Variants in GRM5 observed in about 807,000 individuals in gnomAD.
GRM5 encodes metabotropic glutamate receptor 5.
A neutral mutation model predicts 83.1 loss-of-function variants in GRM5; 19 were observed. The observed-to-expected ratio is 0.23, with a 90% CI of 0.16 to 0.34. GRM5 has a LOEUF of 0.34. Ranked by LOEUF, GRM5 falls within the 10% of genes least tolerant of loss-of-function variation. The pLI, the probability that GRM5 is intolerant of heterozygous loss-of-function variation, is 1.00. For synonymous variants in GRM5, 675 were observed against 633.6 expected, an observed-to-expected ratio of 1.07 and a Z score of -0.98; for missense variants, 1,160 against 1,588.3, an observed-to-expected ratio of 0.73 and a Z score of 4.58.
In GRM5 at chr11:88,817,290, G is replaced by T. The variant is rs568550808; in HGVS notation, c.911+32616C>A. On this transcript the variant is annotated intron_variant, in intron 3 of 9. Transcript: ENST00000305447. ...TTTACACGTAAACAGTACATAAAAT[G>T]CTCTTTTGATTTAGGAAATTCTAAT... 2.6e-5 allele frequency among the ~76,000 whole-genome samples: 4 copies of T among 152,058 alleles called. No individual in the cohort carries two copies. In the East Asian group the frequency reaches 7.7e-4, roughly 29 times the overall value.
At chr11:88,960,923 C>G (rs1938763948) in intron 2 of GRM5, among the ~76,000 whole-genome samples, 1 of 152,072 alleles carries the variant, frequency 6.6e-6, no homozygotes, top group African/African-American at 2.4e-5. Flanking sequence ...CGGTTTTTAA[C>G]AGATATTAGC....
Position 88,833,431 on chromosome 11 carries a change from A to G in GRM5, c.911+16475T>C, listed in dbSNP as rs1476046450. ...GGAAATGTAAGTCAAAACCACAGTG[A>G]GGTATCATCACCCCAGTTAGAATGG... On this transcript the variant is annotated intron_variant, in intron 3 of 9. Transcript: ENST00000305447. Among the ~76,000 whole-genome samples, 6 of 152,160 alleles carry G rather than the reference A, an allele frequency of 3.9e-5. No homozygotes were observed. The East Asian group carries it at 1.2e-3, about 29-fold the overall frequency.
At chr11:88,810,794 G>C (rs1400778966) in intron 3 of GRM5, among the ~76,000 whole-genome samples, 1 of 152,092 alleles carries the variant, frequency 6.6e-6, no homozygotes, top group African/African-American at 2.4e-5. Context: ...ATAAAAAAGA[G>C]TTTTGTTTAA....
intron 2 of GRM5, among the ~76,000 whole-genome samples, chr11:88,902,334 A>C (rs1207235838): frequency 6.6e-6 from 1 of 152,094 alleles, no homozygotes; most frequent in Non-Finnish European, 1.5e-5. Flanking sequence ...CCCCAGACTC[A>C]CATTCTATCT....
intron 2 of GRM5, among the ~76,000 whole-genome samples, chr11:89,020,125 T>A (rs1361160071): frequency 6.6e-6 from 1 of 152,214 alleles, no homozygotes; most frequent in Non-Finnish European, 1.5e-5. Context: ...ATACCTTATC[T>A]AATTTAATTT....
chr11:88,957,584 CA>C (rs1226897304), intron 2 of GRM5, among the ~76,000 whole-genome samples: 1 of 152,094 alleles, frequency 6.6e-6, no homozygotes, highest in African/African-American at 2.4e-5. Context: ...TATAAAATCA[CA>C]GAAGAAAGTA....
chr11:88,952,334 A>G (rs905859642), intron 2 of GRM5, among the ~76,000 whole-genome samples: 3 of 152,088 alleles, frequency 2.0e-5, no homozygotes, highest in African/African-American at 7.2e-5. Flanking sequence ...TGAACTTCCA[A>G]CTGTTACTCA....
chr11:88,628,491 A>C (rs942380817), intron 4 of GRM5, among the ~76,000 whole-genome samples: 3 of 152,236 alleles, frequency 2.0e-5, no homozygotes, highest in Admixed American at 6.5e-5. Context: ...TCTGATAGTC[A>C]TGAACCCTTG....
At chr11:88,581,679 G>A (rs1445870998) in intron 7 of GRM5, among the ~76,000 whole-genome samples, 1 of 151,068 alleles carries the variant, frequency 6.6e-6, no homozygotes, top group African/African-American at 2.4e-5. Context: ...GAATTCTATT[G>A]TTAAACAAAA....
At chr11:89,014,097 C>T (rs1940784750) in intron 2 of GRM5, among the ~76,000 whole-genome samples, 1 of 152,116 alleles carries the variant, frequency 6.6e-6, no homozygotes, top group African/African-American at 2.4e-5. Flanking sequence ...ATCATATGCA[C>T]ACATACATAT....
intron 2 of GRM5, among the ~76,000 whole-genome samples, chr11:88,962,936 A>C (rs1173584588): frequency 2.0e-5 from 3 of 152,192 alleles, no homozygotes; most frequent in Non-Finnish European, 4.4e-5. Context: ...TAAAAATACA[A>C]AAATTAGCCA....
chr11:88,935,316 T>C (rs997694494), intron 2 of GRM5, among the ~76,000 whole-genome samples: 1 of 151,122 alleles, frequency 6.6e-6, no homozygotes, highest in Non-Finnish European at 1.5e-5. Context: ...TGAAGAAAGA[T>C]CACATAGATG....
chr11:88,886,915 A>C (rs1425999958), intron 2 of GRM5, among the ~76,000 whole-genome samples: 1 of 152,160 alleles, frequency 6.6e-6, no homozygotes, highest in South Asian at 2.1e-4. Flanking sequence ...CGAGGAACAG[A>C]GGGTCACCCT....
At chr11:88,945,553 C>A (rs1304104266) in intron 2 of GRM5, among the ~76,000 whole-genome samples, 1 of 151,874 alleles carries the variant, frequency 6.6e-6, no homozygotes, top group Non-Finnish European at 1.5e-5. Flanking sequence ...GGGAGATAGA[C>A]CAACGGAACA....
intron 2 of GRM5, among the ~76,000 whole-genome samples, chr11:88,994,445 TTATATATATATATATATATA>T (rs58154444): frequency 1.5e-4 from 13 of 86,890 alleles, no homozygotes; most frequent in Non-Finnish European, 2.1e-4. Context: ...CTTTAACTGA[TTATATATATATATATATATA>T]TATATATATA....
At chr11:88,915,934 C>T (rs1945582799) in intron 2 of GRM5, among the ~76,000 whole-genome samples, 1 of 152,014 alleles carries the variant, frequency 6.6e-6, no homozygotes, top group Non-Finnish European at 1.5e-5. Context: ...GAAGTTTTTA[C>T]TTAAGTAAAG....
At chr11:89,002,195 A>G (rs1292719294) in intron 2 of GRM5, among the ~76,000 whole-genome samples, 1 of 152,176 alleles carries the variant, frequency 6.6e-6, no homozygotes, top group Non-Finnish European at 1.5e-5. Context: ...GAAAAATGTA[A>G]CATGCCAAAG....
chr11:88,760,550 A>C (rs1942490983), intron 3 of GRM5, among the ~76,000 whole-genome samples: 2 of 152,122 alleles, frequency 1.3e-5, no homozygotes, highest in African/African-American at 4.8e-5. Flanking sequence ...CAAGCTCTGA[A>C]ATTGAATCAG....
chr11:88,672,153 A>G (rs185455616), intron 3 of GRM5, among the ~76,000 whole-genome samples: 18 of 152,090 alleles, frequency 1.2e-4, no homozygotes, highest in Non-Finnish European at 7.4e-5. Flanking sequence ...CAGTGATATA[A>G]TGATAAAACC....
Sources: allele counts gnomAD v4.1 joint callset (sites outside exome capture counted in the v4.1 genomes callset), GRCh38; gene constraint gnomAD v4.1.1; transcripts MANE v1.5; gene names NCBI Gene and HGNC (gene_info 2026-07-23, HGNC 2026-07-21).